XDH: variants seen among roughly 807,000 people sequenced by gnomAD.
XDH encodes xanthine dehydrogenase.
A neutral mutation model predicts 156.1 loss-of-function variants in XDH; 138 were observed. That is an observed-to-expected ratio of 0.88 (90% CI 0.77 to 1.02). XDH has a LOEUF of 1.02. Ranked by LOEUF, XDH falls within the 50% of genes least tolerant of loss-of-function variation. The pLI is 0.00. For synonymous variants in XDH, 669 were observed against 625.7 expected, an observed-to-expected ratio of 1.07 and a Z score of -1.03; for missense variants, 1,849 against 1,684.9, an observed-to-expected ratio of 1.10 and a Z score of -1.71.
chr2:31,408,501 A>G (rs1395340021), intron 1 of XDH, among the ~76,000 whole-genome samples: 1 of 152,262 alleles, frequency 6.6e-6, no homozygotes, highest in Non-Finnish European at 1.5e-5. Flanking sequence ...AAACTTGAGC[A>G]TCAAAAGAAA....
chr2:31,376,909 CAGT>C (rs1686261139), intron 14 of XDH, 141 bp downstream of exon 14: 1 of 1,040,052 alleles, frequency 9.6e-7, no homozygotes, highest in Non-Finnish European at 1.4e-6. Flanking sequence ...GAAGTGGTAG[CAGT>C]AGTAGCAGCA....
intron 1 of XDH, among the ~76,000 whole-genome samples, chr2:31,406,525 T>A (rs1687195028): frequency 6.6e-6 from 1 of 152,222 alleles, no homozygotes; most frequent in African/African-American, 2.4e-5. Context: ...GGCAACTCCA[T>A]AAGAATGAAC....
intron 9 of XDH, among the ~76,000 whole-genome samples, chr2:31,385,473 C>T (rs1387527565): frequency 6.6e-6 from 1 of 152,218 alleles, no homozygotes; most frequent in African/African-American, 2.4e-5. Context: ...CCAACCAGAA[C>T]TCAGGGCTTG....
chr2:31,380,035 G>A, intron 12 of XDH, 59 bp from the exon 13 acceptor site: 1 of 1,519,690 alleles, frequency 6.6e-7, no homozygotes, highest in South Asian at 1.1e-5. Flanking sequence ...AACCCCCCAT[G>A]GGGAGAAAGG....
intron 24 of XDH, among the ~76,000 whole-genome samples, chr2:31,354,177 C>G (rs1452768132): frequency 1.3e-5 from 2 of 152,160 alleles, no homozygotes; most frequent in East Asian, 3.9e-4. Flanking sequence ...TGGGTATCAA[C>G]AAAGGCCAAG....
intron 17 of XDH, 132 bp from the exon 18 acceptor site, chr2:31,370,610 C>T: frequency 1.7e-6 from 2 of 1,210,666 alleles, no homozygotes; most frequent in Non-Finnish European, 1.2e-6. Context: ...TGCTTCTTTT[C>T]TATTAGATTC....
intron 13 of XDH, among the ~76,000 whole-genome samples, chr2:31,378,721 G>C (rs1307888890): frequency 6.6e-6 from 1 of 152,122 alleles, no homozygotes; most frequent in African/African-American, 2.4e-5. Flanking sequence ...ACCCTTTCTT[G>C]AGAGTTTCTA....
Position 31,350,291 on chromosome 2 carries a change from C to G in XDH, c.2632-68G>C. The stretch of plus-strand genomic sequence containing the variant: ...TTGCATTGGTTCCTCAAAGTAGGAA[C>G]TTTGAGGGCTGTATCCATTGCCTGC... On this transcript the variant is annotated intron_variant, in intron 24 of 35. Transcript: ENST00000379416. The G allele has an allele frequency of 4.0e-6, 6 of 1,493,706 alleles. No homozygotes were observed. In the Admixed American group the frequency reaches 1.1e-4, roughly 26 times the overall value. 92.5% of individuals were successfully genotyped at this position (1,493,706 alleles called of 1,614,324 possible).
chr2:31,389,837 T>C (rs1055432651), intron 6 of XDH, among the ~76,000 whole-genome samples: 2 of 149,382 alleles, frequency 1.3e-5, no homozygotes, highest in Admixed American at 6.6e-5. Context: ...TCTGCACTGG[T>C]GCCTTTAAAA....
At chr2:31,389,593 C>T (rs1420906333) in intron 6 of XDH, 1 of 152,248 alleles carries the variant, frequency 6.6e-6, no homozygotes, top group Non-Finnish European at 1.5e-5. Context: ...GCATCCCACT[C>T]ACCTGGCCCT....
At chr2:31,342,318 T>A in intron 31 of XDH, 21 bp from the exon 32 acceptor site, 6 of 1,598,126 alleles carry the variant, frequency 3.8e-6, no homozygotes, top group Non-Finnish European at 5.1e-6. Flanking sequence ...AAAGAGAAGG[T>A]ACTGCACATG....
chr2:31,380,199 G>A (rs927939517), intron 12 of XDH, among the ~76,000 whole-genome samples: 6 of 152,186 alleles, frequency 3.9e-5, no homozygotes, highest in African/African-American at 1.4e-4. Flanking sequence ...TCCGTGTAGG[G>A]GGAAAAGCCC....
chr2:31,337,951 G>A, intron 34 of XDH, 134 bp from the exon 35 acceptor site: 2 of 889,588 alleles, frequency 2.2e-6, no homozygotes, highest in Non-Finnish European at 3.4e-6. Context: ...ACTGATGGGA[G>A]CCACACCAAA....
chr2:31,374,666 A>G (rs1418245591), intron 15 of XDH, among the ~76,000 whole-genome samples: 1 of 152,188 alleles, frequency 6.6e-6, no homozygotes, highest in African/African-American at 2.4e-5. Context: ...AGAAGGATTT[A>G]TCTCTGCTGT....
Position 31,414,613 on chromosome 2 carries a change from G to C in XDH, c.42+12C>G. 1 of 1,614,038 alleles carries C rather than the reference G, an allele frequency of 6.2e-7. No homozygotes were observed. Among genetic ancestry groups the C allele is most frequent in the Non-Finnish European group, 8.5e-7 (1 of 1,179,982 alleles). ...AGAAGGGACACAAAACCAAAGGTCA[G>C]CTCCTACTTACCTTTCTGCCATTCA... On this transcript the variant is annotated intron_variant, in intron 1 of 35. Transcript: ENST00000379416.
In XDH at chr2:31,387,882, A is replaced by T; in HGVS notation, c.580T>A (p.Ser194Thr). The T allele has an allele frequency of 1.3e-6, 2 of 1,583,976 alleles. No individual in the cohort carries two copies. Among genetic ancestry groups the T allele is most frequent in the Non-Finnish European group, 1.7e-6 (2 of 1,165,348 alleles). Residue 194 changes from serine (S) to threonine (T), a missense_variant, in exon 8 of 36, where the codon TCT (serine) becomes ACT (threonine). Coordinates refer to ENST00000379416, the MANE Select transcript of XDH (RefSeq NM_000379.4). ...KKDHSVSLSP[S>T]LFKPEEFTPL... is the part of the protein sequence containing the mutation. ...GTGAACTCCTCTGGTTTGAATAAAG[A>T]TGGCGAGAGGCTGACCTATGGGGAA...
intron 5 of XDH, 118 bp downstream of exon 5, chr2:31,398,455 G>A: frequency 6.4e-7 from 1 of 1,564,326 alleles, no homozygotes; most frequent in Non-Finnish European, 8.7e-7. Context: ...CTTGTTGGGG[G>A]GCCTGAGCCC....
At chr2:31,408,020 T>C (rs1687239113) in intron 1 of XDH, among the ~76,000 whole-genome samples, 2 of 152,168 alleles carry the variant, frequency 1.3e-5, no homozygotes, top group Admixed American at 1.3e-4. Flanking sequence ...GTTCTGCTTT[T>C]ATCACATCAC....
intron 31 of XDH, among the ~76,000 whole-genome samples, 198 bp downstream of exon 31, chr2:31,344,485 CT>C (rs780059504): frequency 3.5e-4 from 54 of 152,326 alleles, no homozygotes; most frequent in Non-Finnish European, 3.5e-4. Context: ...ACAGCTGGTG[CT>C]TTTACCCCTT....
Sources: gnomAD v4.1 joint callset for allele counts (sites outside exome capture counted in the v4.1 genomes callset) on GRCh38, gnomAD v4.1.1 for gene constraint, MANE v1.5 for transcripts, NCBI Gene and HGNC (gene_info 2026-07-23, HGNC 2026-07-21) for gene names.